ARMH4: variants seen among roughly 807,000 people sequenced by gnomAD.
ARMH4 encodes armadillo like helical domain containing 4.
ARMH4 carries 49 observed loss-of-function variants against 61.9 expected under a neutral mutation model. The ratio of observed to expected loss-of-function variants is 0.79; its 90% CI spans 0.63 to 1.00. The LOEUF (loss-of-function observed/expected upper bound fraction) is 1.00, where lower values mean the gene tolerates loss of function less well. Among genes scored for constraint, ARMH4 ranks in the 50% least tolerant of loss-of-function variants. The pLI, the probability that ARMH4 is intolerant of heterozygous loss-of-function variation, is 0.00. For missense variants in ARMH4, 934 were observed against 930.0 expected (o/e 1.00, Z -0.06); for synonymous variants, 368 against 341.5 (o/e 1.08, Z -0.85).
chr14:58,022,400 A>C (rs1157530865), intron 5 of ARMH4, among the ~76,000 whole-genome samples: 2 of 152,204 alleles, frequency 1.3e-5, no homozygotes, highest in Non-Finnish European at 2.9e-5. Flanking sequence ...ATGTAAGGTA[A>C]CATATCCCCA....
intron 2 of ARMH4, 64 bp from the exon 3 acceptor site, chr14:58,133,405 TG>T: frequency 1.4e-6 from 2 of 1,398,746 alleles, no homozygotes; most frequent in Non-Finnish European, 1.9e-6. Context: ...AAAAAAATCA[TG>T]ATATGATTAA....
At chr14:58,044,160 AATCCTAAGCCAAAAG>A (rs1883838472) in intron 5 of ARMH4, among the ~76,000 whole-genome samples, 1 of 152,198 alleles carries the variant, frequency 6.6e-6, no homozygotes, top group Non-Finnish European at 1.5e-5. Flanking sequence ...TTGCCAAATC[AATCCTAAGCCAAAAG>A]AACAAAGCTG....
chr14:58,097,079 G>T, intron 4 of ARMH4, 98 bp from the exon 5 acceptor site: 2 of 1,341,722 alleles, frequency 1.5e-6, no homozygotes, highest in Admixed American at 1.8e-5. Flanking sequence ...CAAAATAATT[G>T]TTTGGCCTTT....
chr14:58,100,247 T>C (rs1885916274), intron 4 of ARMH4, among the ~76,000 whole-genome samples: 4 of 152,072 alleles, frequency 2.6e-5, no homozygotes, highest in Non-Finnish European at 2.9e-5. Context: ...AAGCGTGAAA[T>C]AGTCGTCTTG....
chr14:58,123,686 G>C (rs1886803746), intron 4 of ARMH4, among the ~76,000 whole-genome samples: 1 of 152,048 alleles, frequency 6.6e-6, no homozygotes, highest in African/African-American at 2.4e-5. Context: ...CTCAATTCTT[G>C]TTTGCCTTTG....
intron 5 of ARMH4, among the ~76,000 whole-genome samples, chr14:58,015,489 G>A (rs572652238): frequency 3.9e-5 from 6 of 152,122 alleles, no homozygotes; most frequent in South Asian, 2.1e-4. Flanking sequence ...TCAGGTATCC[G>A]CCAGGGTCCT....
chr14:58,132,581 CTTTTT>C lies in ARMH4; in HGVS notation c.1621+504_1621+508del, dbSNP rs71448942. ...TTACTTACAAACTAAACCCTTGTCC[CTTTTT>C]TTTTTTTTTTTTTTTTTTGGCACGG... On this transcript the variant is annotated intron_variant, in intron 3 of 7. Transcript: ENST00000267485. Among the ~76,000 whole-genome samples the C allele has an allele frequency of 2.3e-4, 20 of 86,070 alleles. No homozygotes were observed. In the East Asian group the frequency reaches 2.4e-3, roughly 10 times the overall value. 56.5% of individuals were successfully genotyped at this position (86,070 alleles called of 152,430 possible).
chr14:58,028,400 G>C lies in ARMH4; in HGVS notation c.2090-16250C>G, dbSNP rs144455266. Among the ~76,000 whole-genome samples, 1,135 of 152,210 alleles carry C rather than the reference G, an allele frequency of 7.5e-3. 10 individuals are homozygous for C. Among genetic ancestry groups the C allele is most frequent in the Non-Finnish European group, 0.01 (681 of 68,028 alleles). ...GGTTGCACATTAATCTCTGAGTTGGGGATTCTTGCATCAAGAAGTCAAGGC... is the reference window on the plus strand; with the variant it reads ...GGTTGCACATTAATCTCTGAGTTGGCGATTCTTGCATCAAGAAGTCAAGGC... On this transcript the variant is annotated intron_variant, in intron 5 of 7. Coordinates refer to ENST00000267485, the MANE Select transcript of ARMH4 (RefSeq NM_001001872.4).
intron 5 of ARMH4, among the ~76,000 whole-genome samples, chr14:58,041,685 G>A (rs1408516801): frequency 6.6e-6 from 1 of 152,114 alleles, no homozygotes; most frequent in Admixed American, 6.5e-5. Flanking sequence ...TCAGTGTGCT[G>A]TATTCAGGAA....
intron 5 of ARMH4, among the ~76,000 whole-genome samples, chr14:58,058,542 C>G (rs1286879614): frequency 1.3e-5 from 2 of 152,164 alleles, no homozygotes; most frequent in African/African-American, 2.4e-5. Context: ...GGGTTCCTCT[C>G]CTTTTTAGAG....
intron 4 of ARMH4, among the ~76,000 whole-genome samples, chr14:58,097,964 A>C (rs2141265644): frequency 1.3e-5 from 2 of 152,260 alleles, no homozygotes; most frequent in South Asian, 4.1e-4. Flanking sequence ...ATTTCCTAGT[A>C]ATACTTCAAG....
chr14:58,123,397 C>T (rs1886792660), intron 4 of ARMH4, among the ~76,000 whole-genome samples: 1 of 152,180 alleles, frequency 6.6e-6, no homozygotes, highest in African/African-American at 2.4e-5. Context: ...AGACCCAAGG[C>T]TCAACAAGGA....
intron 1 of ARMH4, chr14:58,141,483 C>T: frequency 1.8e-6 from 1 of 541,320 alleles, no homozygotes; most frequent in South Asian, 1.4e-5. Context: ...CCACCCTAAA[C>T]CTGGTGCTGC....
intron 5 of ARMH4, among the ~76,000 whole-genome samples, chr14:58,061,162 T>C (rs1055060577): frequency 2.0e-5 from 3 of 152,096 alleles, no homozygotes; most frequent in African/African-American, 4.8e-5. Context: ...AATCCATCCC[T>C]CTCAGCCCTG....
intron 4 of ARMH4, among the ~76,000 whole-genome samples, chr14:58,103,897 C>T (rs1047873120): frequency 3.3e-5 from 5 of 152,176 alleles, no homozygotes; most frequent in African/African-American, 1.2e-4. Context: ...CTAGCATCCA[C>T]CAAAGACAAC....
At chr14:58,100,498 A>G (rs1885931086) in intron 4 of ARMH4, among the ~76,000 whole-genome samples, 1 of 152,174 alleles carries the variant, frequency 6.6e-6, no homozygotes, top group South Asian at 2.1e-4. Flanking sequence ...GGATAGAGAG[A>G]GGGTAAGAAA....
chr14:58,049,154 G>A (rs932346158), intron 5 of ARMH4, among the ~76,000 whole-genome samples: 3 of 151,464 alleles, frequency 2.0e-5, no homozygotes, highest in African/African-American at 7.3e-5. Flanking sequence ...CAGGAGAACG[G>A]TGTGAACCCA....
At chr14:58,111,652 A>C (rs946614611) in intron 4 of ARMH4, among the ~76,000 whole-genome samples, 2 of 151,040 alleles carry the variant, frequency 1.3e-5, no homozygotes, top group African/African-American at 2.4e-5. Flanking sequence ...TCTCTTGCAG[A>C]GACTCTAGTG....
At chr14:58,048,903 C>T (rs1884028832) in intron 5 of ARMH4, among the ~76,000 whole-genome samples, 1 of 152,094 alleles carries the variant, frequency 6.6e-6, no homozygotes, top group African/African-American at 2.4e-5. Flanking sequence ...GATCAAAATA[C>T]ATTAAGCCTC....
Sources: gnomAD v4.1 joint callset for allele counts (sites outside exome capture counted in the v4.1 genomes callset) on GRCh38, gnomAD v4.1.1 for gene constraint, MANE v1.5 for transcripts, NCBI Gene and HGNC (gene_info 2026-07-23, HGNC 2026-07-21) for gene names.